Variants in RDX observed in about 807,000 individuals in gnomAD.
RDX encodes deafness, autosomal recessive 24.
In RDX, 32 loss-of-function variants were observed where a neutral mutation model predicts 83.7. That is an observed-to-expected ratio of 0.38 (90% CI 0.29 to 0.51). The LOEUF is 0.51. RDX is among the 20% of genes least tolerant of loss of function. The pLI is 0.87. For missense variants in RDX, 600 were observed against 689.9 expected (o/e 0.87, Z 1.46); for synonymous variants, 229 against 222.7 (o/e 1.03, Z -0.25).
At chr11:110,253,874 A>G in intron 9 of RDX, 72 bp downstream of exon 9, 1 of 1,333,208 alleles carries the variant, frequency 7.5e-7, no homozygotes, top group Non-Finnish European at 1.1e-6. Context: ...GTACATTTAA[A>G]AAACTGAGCA....
chr11:110,226,451 C>A (rs994664861), downstream of RDX, among the ~76,000 whole-genome samples: 1 of 152,002 alleles, frequency 6.6e-6, no homozygotes. Context: ...GAAAGTAGAA[C>A]AGTGGTCACC....
intron 14 of RDX, among the ~76,000 whole-genome samples, chr11:110,216,614 G>A (rs1439084528): frequency 6.7e-6 from 1 of 150,228 alleles, no homozygotes; most frequent in Non-Finnish European, 1.5e-5. Context: ...CTGGCGTCAA[G>A]TGATCCTCTC....
chr11:110,179,537 C>G (rs748879564), intron 15 of RDX, among the ~76,000 whole-genome samples: 1 of 152,210 alleles, frequency 6.6e-6, no homozygotes, highest in African/African-American at 2.4e-5. Context: ...CTTCGGAAGG[C>G]CGAGGTGGGC....
At chr11:110,209,282 G>C in intron 14 of RDX, among the ~76,000 whole-genome samples, 1 of 152,090 alleles carries the variant, frequency 6.6e-6, no homozygotes, top group Non-Finnish European at 1.5e-5. Flanking sequence ...TTTTCCGACG[G>C]GCTTAAAAAA....
At chr11:110,179,267 G>A (rs61209308) in intron 15 of RDX, among the ~76,000 whole-genome samples, 4,415 of 152,236 alleles carry the variant, frequency 0.029, 156 homozygotes, top group East Asian at 0.12. Flanking sequence ...TCCATCACAC[G>A]TGGAATCCTG....
At chr11:110,287,651 T>G (rs909471075) in intron 1 of RDX, among the ~76,000 whole-genome samples, 1 of 152,084 alleles carries the variant, frequency 6.6e-6, no homozygotes, top group Admixed American at 6.6e-5. Flanking sequence ...ATTTTGCAAG[T>G]AAAGAAATAA....
At chr11:110,234,550 C>G (rs888228717) in intron 12 of RDX, among the ~76,000 whole-genome samples, 2 of 151,984 alleles carry the variant, frequency 1.3e-5, no homozygotes, top group African/African-American at 4.8e-5. Flanking sequence ...CAGTATTTCC[C>G]CTAGTTTATG....
In RDX at chr11:110,264,051, C is replaced by G. The variant is rs200090161; in HGVS notation, c.376G>C (p.Ala126Pro). Residue 126 changes from alanine (A) to proline (P), a missense_variant, in exon 5 of 14, where the codon GCT becomes CCT. Coordinates refer to ENST00000645495, the MANE Select transcript of RDX (RefSeq NM_002906.4). ...YCPPETAVLL[A>P]SYAVQAKYGD... ...TACTTGGCTTGGACAGCATAGGAAGCCAAAAGAACTGCAGTTTCTGGCGGG... is the reference window on the plus strand; with the variant it reads ...TACTTGGCTTGGACAGCATAGGAAGGCAAAAGAACTGCAGTTTCTGGCGGG... The G allele has an allele frequency of 1.0e-4, 169 of 1,613,728 alleles. No individual in the cohort carries two copies. Among genetic ancestry groups the G allele is most frequent in the Non-Finnish European group, 1.4e-4 (165 of 1,179,734 alleles).
intron 10 of RDX, among the ~76,000 whole-genome samples, chr11:110,244,289 G>A (rs974457648): frequency 1.3e-5 from 2 of 149,984 alleles, no homozygotes; most frequent in African/African-American, 4.9e-5. Context: ...CTGAACCTGG[G>A]AGGCGAAGGT....
intron 15 of RDX, among the ~76,000 whole-genome samples, chr11:110,193,294 C>T (rs1275281713): frequency 6.6e-6 from 1 of 152,122 alleles, no homozygotes; most frequent in Non-Finnish European, 1.5e-5. Flanking sequence ...CATATTTTCA[C>T]TTATAAGTGG....
At chr11:110,192,498 A>G (rs888315966) in intron 15 of RDX, among the ~76,000 whole-genome samples, 1 of 152,248 alleles carries the variant, frequency 6.6e-6, no homozygotes, top group Non-Finnish European at 1.5e-5. Context: ...TTGCAGCAAA[A>G]GCAAAAATTG....
At chr11:110,290,262 C>T (rs1260764626) in intron 1 of RDX, among the ~76,000 whole-genome samples, 2 of 152,066 alleles carry the variant, frequency 1.3e-5, no homozygotes, top group African/African-American at 2.4e-5. Flanking sequence ...TGGTGGCTCA[C>T]GCCTGTAATC....
chr11:110,294,431 A>G (rs1399198991), intron 1 of RDX, among the ~76,000 whole-genome samples: 1 of 152,168 alleles, frequency 6.6e-6, no homozygotes, highest in Non-Finnish European at 1.5e-5. Context: ...AAAAAGGACT[A>G]ACTTGAAGAT....
chr11:110,194,544 G>T (rs1418505478), intron 15 of RDX, among the ~76,000 whole-genome samples: 1 of 152,100 alleles, frequency 6.6e-6, no homozygotes, highest in Non-Finnish European at 1.5e-5. Context: ...TTCGTTTCTT[G>T]CATTCCCAGG....
intron 15 of RDX, chr11:110,195,788 T>C (rs1863193826): frequency 6.6e-6 from 1 of 152,154 alleles, no homozygotes; most frequent in Non-Finnish European, 1.5e-5. Context: ...CCTTACAAGC[T>C]AGTCATGCAG....
At chr11:110,293,002 CACAA>C (rs1378306767) in intron 1 of RDX, among the ~76,000 whole-genome samples, 4 of 152,076 alleles carry the variant, frequency 2.6e-5, no homozygotes, top group Non-Finnish European at 4.4e-5. Context: ...AAAATCTGTA[CACAA>C]ACAAATTTGC....
chr11:110,234,209 G>A (rs1300954459), intron 12 of RDX, among the ~76,000 whole-genome samples: 4 of 152,074 alleles, frequency 2.6e-5, no homozygotes, highest in Non-Finnish European at 4.4e-5. Context: ...CTGGTTCAAA[G>A]GAAATACTGG....
rs182936908 is a variant in RDX, at chr11:110,286,772, A to G, written c.-64-7016T>C. ...AGAAAGCTGCACAACAAAGAACAGT[A>G]TAAACTGAATAAGGCAACTCTGGCA... On this transcript the variant is annotated intron_variant, in intron 1 of 13. Coordinates refer to ENST00000645495, the MANE Select transcript of RDX (RefSeq NM_002906.4). Among the ~76,000 whole-genome samples the G allele has an allele frequency of 1.4e-3, 206 of 152,364 alleles. 3 individuals are homozygous for G. The highest frequency in any genetic ancestry group is 4.8e-3 in the African/African-American group (200 of 41,594).
Position 110,282,916 on chromosome 11 carries a change from G to A in RDX, c.-64-3160C>T, listed in dbSNP as rs900446331. Among the ~76,000 whole-genome samples, 5 of 152,282 alleles carry A rather than the reference G, an allele frequency of 3.3e-5. No homozygotes were observed. In the South Asian group the frequency reaches 8.3e-4, roughly 25 times the overall value. ...CACTTGAGCCCAGAAGTTTGAGGCT[G>A]CAGTGAGTTATGATCATGCCACTAC... On this transcript the variant is annotated intron_variant, in intron 1 of 13. Coordinates refer to ENST00000645495, the MANE Select transcript of RDX (RefSeq NM_002906.4).
Sources: gnomAD v4.1 joint callset for allele counts (sites outside exome capture counted in the v4.1 genomes callset) on GRCh38, gnomAD v4.1.1 for gene constraint, MANE v1.5 for transcripts, NCBI Gene and HGNC (gene_info 2026-07-23, HGNC 2026-07-21) for gene names.